The following MUC5B variants were observed in gnomAD, a reference collection of about 807,000 sequenced individuals.
MUC5B encodes the protein mucin 5B, oligomeric mucus/gel-forming, also known as mucin-5B.
Under a neutral mutation model 376.9 loss-of-function variants are expected in MUC5B, and 116 were observed. The observed-to-expected ratio is 0.31, with a 90% CI of 0.26 to 0.36. The LOEUF (loss-of-function observed/expected upper bound fraction) is 0.36, where lower values mean the gene tolerates loss of function less well. Ranked by LOEUF, MUC5B falls within the 10% of genes least tolerant of loss-of-function variation. The probability of loss-of-function intolerance (pLI) is 1.00; values close to 1 mark genes in which losing one functional copy is unlikely to be tolerated. For synonymous variants in MUC5B, 3,517 were observed against 3,390.9 expected (o/e 1.04, Z -1.29); for missense variants, 7,165 against 7,769.9 (o/e 0.92, Z 2.93).
Position 1,226,273 on chromosome 11 carries a change from A to G in MUC5B, c.196A>G (p.Ser66Gly), listed in dbSNP as rs1282947677. 20 of 1,554,350 alleles carry G rather than the reference A, an allele frequency of 1.3e-5. No individual in the cohort carries two copies. The East Asian group carries it at 4.6e-4, about 36-fold the overall frequency. Reference sequence around the variant, plus strand: ...ACCCGTCACTGTCTTCCCCAGCCTGAGCCGTAAGCAGATGCTGCCCCTGCC... The same window carrying G: ...ACCCGTCACTGTCTTCCCCAGCCTGGGCCGTAAGCAGATGCTGCCCCTGCC... ...VPPVTVFPSL[S>G]PLNPAHNGRV... The change falls in exon 3 of 49, where the codon AGC (serine) becomes GGC (glycine). Residue 66 changes from serine to glycine, a missense_variant. Ser to Gly is a moderately conservative substitution (Grantham distance 56). Transcript: ENST00000529681.
rs1862495051 is a variant in MUC5B at position 1,246,973 on chromosome 11, A to G, written c.10093A>G (p.Thr3365Ala). Residue 3365 changes from threonine (T) to alanine (A), a missense_variant, in exon 31 of 49, where the codon ACC becomes GCC. Physicochemically the swap from Thr to Ala is moderately conservative, Grantham distance 58. Around this residue, in one of 31 missense-constraint regions of MUC5B, gnomAD observed 939 missense variants for 770.6 expected, o/e 1.22. Coordinates refer to ENST00000529681, the MANE Select transcript of MUC5B (RefSeq NM_002458.3). ...CCACACCGCCACAGTGCTGACCACC[A>G]CCACCACAACTGTGGCCACTGGTTC... The part of the protein sequence containing the change: ...TTHTATVLTT[T>A]TTTVATGSMA... The G allele has an allele frequency of 1.6e-5, 25 of 1,587,014 alleles. No homozygotes were observed. Among genetic ancestry groups the G allele is most frequent in the Non-Finnish European group, 2.1e-5 (24 of 1,167,188 alleles).
Position 1,250,331 on chromosome 11 carries a change from C to T in MUC5B, c.13451C>T (p.Thr4484Met), listed in dbSNP as rs367887460. The change falls in exon 31 of 49, where the codon ACG (threonine) becomes ATG (methionine). Residue 4484 changes from threonine to methionine, a missense_variant. Thr to Met is a moderately conservative substitution (Grantham distance 81). Around this residue, in one of 31 missense-constraint regions of MUC5B, gnomAD observed 431 missense variants for 390.4 expected, o/e 1.10. Coordinates refer to ENST00000529681, the MANE Select transcript of MUC5B (RefSeq NM_002458.3). ...ATAGTPHVSTTATTPTVTSSK... is the reference protein window; with the variant it reads ...ATAGTPHVSTMATTPTVTSSK... Reference sequence around the variant, plus strand: ...GCTGGCACCCCACATGTGAGCACCACGGCCACGACACCCACAGTCACCAGC... The same window carrying T: ...GCTGGCACCCCACATGTGAGCACCATGGCCACGACACCCACAGTCACCAGC... The T allele has an allele frequency of 1.6e-4, 254 of 1,613,468 alleles. 2 individuals carry two copies. Among genetic ancestry groups the T allele is most frequent in the Non-Finnish European group, 1.9e-4 (223 of 1,179,718 alleles).
chr11:1,227,077 G>C lies in MUC5B; in HGVS notation c.508G>C (p.Gly170Arg), dbSNP rs377253798. The change falls in exon 5 of 49, where the codon GGG (glycine) becomes CGG (arginine). Residue 170 changes from glycine to arginine, a missense_variant. Around this residue, in one of 31 missense-constraint regions of MUC5B, gnomAD observed 640 missense variants for 733.0 expected, o/e 0.87. Coordinates refer to ENST00000529681, the MANE Select transcript of MUC5B (RefSeq NM_002458.3). ...SRTGLLVEQS[G>R]DYIKVSIRLV... is the part of the protein sequence containing the mutation. ...CACTGGCCTCCTGGTGGAGCAGAGC[G>C]GGGACTACATCAAGGTCAGCATCCG... The C allele has an allele frequency of 3.1e-6, 5 of 1,612,384 alleles. No individual in the cohort carries two copies. The highest frequency in any genetic ancestry group is 1.7e-5 in the Admixed American group (1 of 59,994).
intron 28 of MUC5B, 38 bp from the exon 29 acceptor site, chr11:1,240,006 GC>G (rs769963371): frequency 1.6e-5 from 26 of 1,595,546 alleles, no homozygotes; most frequent in Middle Eastern, 1.7e-4. Flanking sequence ...CCTGCAGGCT[GC>G]CCCCCAGGCC....
rs1201536200 is a variant in MUC5B, at chr11:1,261,903, T to C, written c.*295T>C. 1.6e-6 allele frequency: 1 copy of C among 635,536 alleles called. No individual in the cohort carries two copies. The highest frequency in any genetic ancestry group is 2.1e-5 in the Admixed American group (1 of 47,700). 39.4% of individuals were successfully genotyped at this position (635,536 alleles called of 1,614,324 possible). ...GACGCCCTGGAACAAACTAAGCATG[T>C]GCGGGCCTATGTGTCCCTGCCACGG... is the stretch of plus-strand genomic sequence containing the variant. On this transcript the variant is annotated 3_prime_UTR_variant, in exon 49 of 49. Coordinates refer to ENST00000529681, the MANE Select transcript of MUC5B (RefSeq NM_002458.3).
rs892568274 is a variant in MUC5B, at chr11:1,223,206, C to T, written c.70+13C>T. On this transcript the variant is annotated intron_variant, in intron 1 of 48. Coordinates refer to ENST00000529681, the MANE Select transcript of MUC5B (RefSeq NM_002458.3). ...GTGCCGCAGGCAGGTAAGAGCCCCC[C>T]ACTCCGCCCCCTCTCGATGCTGTCT... is the stretch of plus-strand genomic sequence containing the variant. 22 of 710,390 alleles carry T rather than the reference C, an allele frequency of 3.1e-5. No homozygotes were observed. The African/African-American group carries it at 3.1e-4, about 10-fold the overall frequency. The allele number at this position is 710,390 out of a possible 1,614,324, so 44.0% of individuals were successfully genotyped here.
intron 46 of MUC5B, 80 bp from the exon 47 acceptor site, chr11:1,260,271 G>T: frequency 6.7e-7 from 1 of 1,490,182 alleles, no homozygotes; most frequent in Non-Finnish European, 9.3e-7. Context: ...CCCCTGCCCG[G>T]GTGGGCCCCT....
chr11:1,241,697 G>A lies in MUC5B; in HGVS notation c.4817G>A (p.Arg1606His), dbSNP rs749429822. The change falls in exon 31 of 49, where the codon CGT (arginine) becomes CAT (histidine). Residue 1606 changes from arginine (R) to histidine (H), a missense_variant. Arg to His is a conservative substitution (Grantham distance 29, BLOSUM62 0). Transcript: ENST00000529681. ...LCCSDDHCRG[R>H]ATTPPPTTEL... ...TGCAGTGACGACCACTGCAGGGGAC[G>A]TGCCACAACCCCGCCACCGACCACA... 54 of 1,612,134 alleles carry A rather than the reference G, an allele frequency of 3.3e-5. No individual in the cohort carries two copies. Among genetic ancestry groups the A allele is most frequent in the Middle Eastern group, 3.3e-4 (2 of 6,082 alleles).
intron 30 of MUC5B, 77 bp from the exon 31 acceptor site, chr11:1,240,774 C>T: frequency 7.3e-7 from 1 of 1,367,338 alleles, no homozygotes; most frequent in Non-Finnish European, 9.9e-7. Flanking sequence ...GGGAAAGGGT[C>T]CTCTGGGGCC....
At position 1,238,882 on chromosome 11, in the gene MUC5B, C is replaced by A. The variant is rs1365294507; in HGVS notation, c.3309C>A (p.Thr1103=). 6.4e-7 allele frequency: 1 copy of A among 1,558,436 alleles called. No homozygotes were observed. Among genetic ancestry groups the A allele is most frequent in the Non-Finnish European group, 8.7e-7 (1 of 1,151,038 alleles). Residue 1103 remains threonine, a synonymous_variant, in exon 26 of 49, where the codon ACC becomes ACA. Transcript: ENST00000529681. ...GGCCTCACCCGCAGGTTGACTCCACCAAGTACTACGAGGCCTGCGTGAACG... is the reference window on the plus strand; with the variant it reads ...GGCCTCACCCGCAGGTTGACTCCACAAAGTACTACGAGGCCTGCGTGAACG... ...FAACRSQVDS[T]KYYEACVNDA... is the part of the protein sequence containing the mutation.
Position 1,246,167 on chromosome 11 carries a change from C to T in MUC5B, c.9287C>T (p.Pro3096Leu). 2 of 1,613,052 alleles carry T rather than the reference C, an allele frequency of 1.2e-6. No individual in the cohort carries two copies. Among genetic ancestry groups the T allele is most frequent in the South Asian group, 1.1e-5 (1 of 91,014 alleles). Residue 3096 changes from proline (P) to leucine (L), a missense_variant, in exon 31 of 49, where the codon CCC becomes CTC. This residue lies in a region of MUC5B where 939 missense variants were observed against 770.6 expected (regional missense o/e 1.22). Transcript: ENST00000529681. The part of the protein sequence containing the change: ...TPMATMSTIH[P>L]SSTPETTHTS... Reference sequence around the variant, plus strand: ...ATGGCCACCATGTCCACAATCCACCCCTCCTCCACTCCGGAGACCACCCAC... The same window carrying T: ...ATGGCCACCATGTCCACAATCCACCTCTCCTCCACTCCGGAGACCACCCAC...
At chr11:1,235,049 G>A (rs751017587) in intron 21 of MUC5B, 36 bp from the exon 22 acceptor site, 3 of 1,588,570 alleles carry the variant, frequency 1.9e-6, no homozygotes, top group Non-Finnish European at 8.6e-7. Flanking sequence ...GGGAGAGCAG[G>A]CCCCTGTGAG....
chr11:1,235,260 A>G, intron 22 of MUC5B, 37 bp downstream of exon 22: 2 of 1,610,610 alleles, frequency 1.2e-6, no homozygotes, highest in Non-Finnish European at 1.7e-6. Flanking sequence ...CAGGCCGGGC[A>G]CACTCCAGCC....
Position 1,250,431 on chromosome 11 carries a change from C to T in MUC5B, c.13551C>T (p.Pro4517=), listed in dbSNP as rs1862643838. ...LPALRSTATT[P]TATSFTAIPS... ...CACTGAGAAGCACAGCCACCACACC[C>T]ACAGCTACCAGCTTTACAGCCATCC... The change falls in exon 31 of 49, where the codon CCC becomes CCT. Residue 4517 remains proline, a synonymous_variant. Coordinates refer to ENST00000529681, the MANE Select transcript of MUC5B (RefSeq NM_002458.3). 1 of 1,609,240 alleles carries T rather than the reference C, an allele frequency of 6.2e-7. No individual in the cohort carries two copies. Among genetic ancestry groups the T allele is most frequent in the Admixed American group, 1.7e-5 (1 of 59,938 alleles).
At chr11:1,227,539 G>C in intron 6 of MUC5B, 136 bp from the exon 7 acceptor site, 1 of 700,130 alleles carries the variant, frequency 1.4e-6, no homozygotes, top group Non-Finnish European at 2.6e-6. Context: ...CCTACATGGT[G>C]GGAGGAGTGC....
At chr11:1,259,458 G>A (rs575281503) in intron 44 of MUC5B, 1 of 532,660 alleles carries the variant, frequency 1.9e-6, no homozygotes, top group South Asian at 2.3e-5. Flanking sequence ...CCAAAGGGAG[G>A]GTATGAAGTA....
In MUC5B at chr11:1,240,063, C is replaced by T. The variant is rs1185022363; in HGVS notation, c.3747C>T (p.Gly1249=). Residue 1249 remains glycine, a synonymous_variant, in exon 29 of 49, where the codon GGC becomes GGT. Transcript: ENST00000529681. Reference sequence around the variant, plus strand: ...CCCCTAGTAACTGCACACCCAGTGGCATCCAGTGCGCTCACAGCCTTGAGG... The same window carrying T: ...CCCCTAGTAACTGCACACCCAGTGGTATCCAGTGCGCTCACAGCCTTGAGG... ...NCQSCNCTPS[G]IQCAHSLEAC... The T allele has an allele frequency of 4.5e-6, 7 of 1,570,654 alleles. No homozygotes were observed. In the Admixed American group the frequency reaches 1.3e-4, roughly 28 times the overall value.
chr11:1,238,360 G>A (rs771827688), intron 25 of MUC5B, among the ~76,000 whole-genome samples: 5 of 152,228 alleles, frequency 3.3e-5, no homozygotes, highest in Non-Finnish European at 7.3e-5. Context: ...TGGGTGCTGG[G>A]TGGTCGGATG....
Position 1,246,192 on chromosome 11 carries a change from C to T in MUC5B, c.9312C>T (p.His3104=), listed in dbSNP as rs778053076. The change falls in exon 31 of 49, where the codon CAC becomes CAT. Residue 3104 remains histidine (H), a synonymous_variant. Transcript: ENST00000529681. ...CCTCCTCCACTCCGGAGACCACCCA[C>T]ACCTCCACAGTGCTGACCACGAAGG... is the stretch of plus-strand genomic sequence containing the variant. ...IHPSSTPETT[H]TSTVLTTKAT... The T allele has an allele frequency of 1.1e-5, 17 of 1,612,734 alleles. No homozygotes were observed. In the East Asian group the frequency reaches 2.9e-4, roughly 28 times the overall value.
Sources: allele counts gnomAD v4.1 joint callset (sites outside exome capture counted in the v4.1 genomes callset), GRCh38; gene constraint gnomAD v4.1.1; regional missense constraint gnomAD v4.1.1; transcripts MANE v1.5; gene names NCBI Gene and HGNC (gene_info 2026-07-23, HGNC 2026-07-21).